ATXN10: variants seen among roughly 807,000 people sequenced by gnomAD.
ATXN10 encodes the protein ataxin 10.
ATXN10 carries 28 observed loss-of-function variants against 52.9 expected under a neutral mutation model. The observed-to-expected ratio is 0.53, with a 90% CI of 0.39 to 0.73. ATXN10 has a LOEUF of 0.73. Ranked by LOEUF, ATXN10 falls within the 30% of genes least tolerant of loss-of-function variation. ATXN10 has a pLI of 0.00. For synonymous variants in ATXN10, 226 were observed against 221.5 expected (o/e 1.02, Z -0.18); for missense variants, 565 against 577.0 (o/e 0.98, Z 0.21).
intron 9 of ATXN10, among the ~76,000 whole-genome samples, chr22:45,752,239 C>T (rs905151306): frequency 4.6e-5 from 7 of 152,086 alleles, no homozygotes; most frequent in Non-Finnish European, 7.3e-5. Context: ...ACTGGGAATG[C>T]AGAAATGGAT....
intron 6 of ATXN10, among the ~76,000 whole-genome samples, chr22:45,720,337 G>C (rs191111471): frequency 6.8e-6 from 1 of 148,084 alleles, no homozygotes; most frequent in East Asian, 2.0e-4. Context: ...TTTTGGAAAA[G>C]GTATAAGACA....
chr22:45,723,141 T>G (rs914987143), intron 6 of ATXN10, among the ~76,000 whole-genome samples: 1 of 151,132 alleles, frequency 6.6e-6, no homozygotes, highest in Non-Finnish European at 1.5e-5. Flanking sequence ...GTGTGTGTGT[T>G]TATATATATA....
rs2071791 is a variant in ATXN10 at position 45,842,925 on chromosome 22, G to C, written c.1238-66G>C. 9,164 of 1,545,390 alleles carry C rather than the reference G, an allele frequency of 5.9e-3. 302 individuals carry two copies. The East Asian group carries it at 0.1, about 17-fold the overall frequency. On this transcript the variant is annotated intron_variant, in intron 10 of 11. Coordinates refer to ENST00000252934, the MANE Select transcript of ATXN10 (RefSeq NM_013236.4). The surrounding 1 kb of genome is among the most constrained non-coding windows in gnomAD (Gnocchi z 4.8). ...TTCTGTGCTCCTCTACTCCTTTTCT[G>C]ATAATTCTTATGTGAAGTTATCAAA...
chr22:45,733,509 C>G lies in ATXN10; in HGVS notation c.894+3919C>G, dbSNP rs1291192232. Reference sequence around the variant, plus strand: ...CAGCACTTTAGGAGGTCGAGGTGGGCAGATTGCCTGAGGTCAGGAGTTTGA... The same window carrying G: ...CAGCACTTTAGGAGGTCGAGGTGGGGAGATTGCCTGAGGTCAGGAGTTTGA... On this transcript the variant is annotated intron_variant, in intron 7 of 11. Coordinates refer to ENST00000252934, the MANE Select transcript of ATXN10 (RefSeq NM_013236.4). The surrounding 1 kb of genome is among the most constrained non-coding windows in gnomAD (Gnocchi z 4.4). Among the ~76,000 whole-genome samples, 2 of 152,032 alleles carry G rather than the reference C, an allele frequency of 1.3e-5. No homozygotes were observed. Among genetic ancestry groups the G allele is most frequent in the Non-Finnish European group, 2.9e-5 (2 of 68,006 alleles).
intron 9 of ATXN10, among the ~76,000 whole-genome samples, chr22:45,794,646 A>T (rs150350613): frequency 6.1e-4 from 93 of 152,334 alleles, no homozygotes; most frequent in African/African-American, 2.2e-3. Flanking sequence ...TTCAGAAATG[A>T]TGCAAGACAG....
rs1272703823 is a variant in ATXN10 at position 45,692,985 on chromosome 22, A to T, written c.309-11A>T. 4 of 1,613,520 alleles carry T rather than the reference A, an allele frequency of 2.5e-6. No individual in the cohort carries two copies. Among genetic ancestry groups the T allele is most frequent in the South Asian group, 1.1e-5 (1 of 91,056 alleles). On this transcript the variant is annotated splice_polypyrimidine_tract_variant and intron_variant, in intron 2 of 11. Transcript: ENST00000252934. Reference sequence around the variant, plus strand: ...GAACATGTCTAATTTTGTCTTTTTTAAAAAACCCAGGAACTTGGATACGAT... The same window carrying T: ...GAACATGTCTAATTTTGTCTTTTTTTAAAAACCCAGGAACTTGGATACGAT...
intron 5 of ATXN10, among the ~76,000 whole-genome samples, chr22:45,704,311 A>T (rs1923954955): frequency 7.4e-6 from 1 of 135,264 alleles, no homozygotes; most frequent in South Asian, 2.2e-4. Context: ...TCAATTTGTT[A>T]AAAAAAAAAA....
intron 9 of ATXN10, among the ~76,000 whole-genome samples, chr22:45,797,013 G>A (rs957621438): frequency 3.3e-5 from 5 of 152,060 alleles, no homozygotes; most frequent in African/African-American, 1.2e-4. Flanking sequence ...ATGATTAAAG[G>A]GTCAGTTCAT....
chr22:45,781,642 A>G lies in ATXN10; in HGVS notation c.1174-25317A>G, dbSNP rs1927153648. On this transcript the variant is annotated intron_variant, in intron 9 of 11. Coordinates refer to ENST00000252934, the MANE Select transcript of ATXN10 (RefSeq NM_013236.4). This position sits in a 1 kb window ranked among gnomAD's most constrained non-coding sequence, Gnocchi z 4.2. ...AAGGCAGTCAACAGATGCCAATACCAAGATGATGACATGGATGTTGGAATA... is the reference window on the plus strand; with the variant it reads ...AAGGCAGTCAACAGATGCCAATACCGAGATGATGACATGGATGTTGGAATA... 6.6e-6 allele frequency among the ~76,000 whole-genome samples: 1 copy of G among 152,326 alleles called. No individual in the cohort carries two copies. Among genetic ancestry groups the G allele is most frequent in the South Asian group, 2.1e-4 (1 of 4,830 alleles).
chr22:45,781,492 C>T lies in ATXN10; in HGVS notation c.1174-25467C>T, dbSNP rs1927148593. ...TCCACGTGCTGTTGTTGAACGAGCT[C>T]TGCTAAAATAGGAGACTTAAACTTA... On this transcript the variant is annotated intron_variant, in intron 9 of 11. Transcript: ENST00000252934. The surrounding 1 kb of genome is among the most constrained non-coding windows in gnomAD (Gnocchi z 4.2). Among the ~76,000 whole-genome samples the T allele has an allele frequency of 6.6e-6, 1 of 152,188 alleles. No homozygotes were observed. The highest frequency in any genetic ancestry group is 2.4e-5 in the African/African-American group (1 of 41,426).
chr22:45,809,313 C>G (rs980200375), intron 10 of ATXN10, among the ~76,000 whole-genome samples: 7 of 152,304 alleles, frequency 4.6e-5, no homozygotes, highest in East Asian at 3.9e-4. Context: ...CTCTTTCCCC[C>G]CCTTTCTTGT....
At chr22:45,723,357 G>A (rs1924737368) in intron 6 of ATXN10, among the ~76,000 whole-genome samples, 2 of 151,752 alleles carry the variant, frequency 1.3e-5, no homozygotes, top group Middle Eastern at 3.4e-3. Context: ...TTGGTCACAT[G>A]GATGGGTTGT....
intron 9 of ATXN10, among the ~76,000 whole-genome samples, chr22:45,788,020 A>G (rs1386609134): frequency 6.6e-6 from 1 of 152,216 alleles, no homozygotes; most frequent in Non-Finnish European, 1.5e-5. Flanking sequence ...TACAAGGAGC[A>G]CCAGGATTTC....
In ATXN10 at chr22:45,688,466, C is replaced by A. The variant is rs201698488; in HGVS notation, c.117-1246C>A. On this transcript the variant is annotated intron_variant, in intron 1 of 11. Transcript: ENST00000252934. This position sits in a 1 kb window ranked among gnomAD's most constrained non-coding sequence, Gnocchi z 4.0. ...AATTTGACTCCAGACTTAAGAAAGG[C>A]CCCGACAGAGAGAAAACATAATAAA... is the stretch of plus-strand genomic sequence containing the variant. Among the ~76,000 whole-genome samples the A allele has an allele frequency of 6.5e-4, 99 of 152,238 alleles. 1 individual carries two copies. The East Asian group carries it at 0.016, about 24-fold the overall frequency.
Position 45,690,041 on chromosome 22 carries a change from G to A in ATXN10, c.308+138G>A. On this transcript the variant is annotated intron_variant, in intron 2 of 11. Transcript: ENST00000252934. This position sits in a 1 kb window ranked among gnomAD's most constrained non-coding sequence, Gnocchi z 4.5. ...TAATCCCAGCATTTTGGGAGGCTGA[G>A]GCAGGAGGATTGCTTGAGTCCAGGA... 1.2e-6 allele frequency: 1 copy of A among 857,166 alleles called. No homozygotes were observed. Among genetic ancestry groups the A allele is most frequent in the Non-Finnish European group, 1.9e-6 (1 of 530,504 alleles). 53.1% of individuals were successfully genotyped at this position (857,166 alleles called of 1,614,324 possible). A position where few individuals can be genotyped will look rare whatever the true frequency, so the allele number is the denominator to read the frequency against.
At chr22:45,722,907 A>C (rs1924714162) in intron 6 of ATXN10, among the ~76,000 whole-genome samples, 3 of 152,020 alleles carry the variant, frequency 2.0e-5, no homozygotes, top group Admixed American at 2.0e-4. Context: ...ATCTGTGGAT[A>C]CCTTAACACT....
Position 45,672,195 on chromosome 22 carries a change from G to T in ATXN10, c.116+16G>T. ...AGCGGAACCGGTAACGGGTCCGGCC[G>T]GGGGGCTGCCCCGGGCAGGGGAGGG... On this transcript the variant is annotated intron_variant, in intron 1 of 11. Transcript: ENST00000252934. 1.3e-6 allele frequency: 2 copies of T among 1,521,674 alleles called. No individual in the cohort carries two copies. Among genetic ancestry groups the T allele is most frequent in the Non-Finnish European group, 1.8e-6 (2 of 1,137,160 alleles). The allele number at this position is 1,521,674 out of a possible 1,614,324, so 94.3% of individuals were successfully genotyped here.
Position 45,684,145 on chromosome 22 carries a change from T to G in ATXN10, c.117-5567T>G, listed in dbSNP as rs1051845683. ...TTAAAACAAGTTTTTTTGTTTTTTT[T>G]TTTTTTGTAGAGATAGGGTCTTGCT... On this transcript the variant is annotated intron_variant, in intron 1 of 11. Coordinates refer to ENST00000252934, the MANE Select transcript of ATXN10 (RefSeq NM_013236.4). The surrounding 1 kb of genome is among the most constrained non-coding windows in gnomAD (Gnocchi z 4.1). Among the ~76,000 whole-genome samples the G allele has an allele frequency of 8.6e-5, 13 of 151,840 alleles. No homozygotes were observed. The highest frequency in any genetic ancestry group is 2.9e-4 in the African/African-American group (12 of 41,366).
chr22:45,771,970 G>C (rs901444061), intron 9 of ATXN10, among the ~76,000 whole-genome samples: 4 of 152,074 alleles, frequency 2.6e-5, no homozygotes, highest in African/African-American at 9.7e-5. Context: ...TGTGTATTCT[G>C]GTCACAAGTT....
Sources: allele counts gnomAD v4.1 joint callset (sites outside exome capture counted in the v4.1 genomes callset), GRCh38; gene constraint gnomAD v4.1.1; non-coding constraint Gnocchi (gnomAD v3.1); transcripts MANE v1.5; gene names NCBI Gene and HGNC (gene_info 2026-07-23, HGNC 2026-07-21).